GABRG3: variants seen among roughly 807,000 people sequenced by gnomAD.
The protein encoded by GABRG3 is gamma-aminobutyric acid type A receptor subunit gamma3.
GABRG3 carries 25 observed loss-of-function variants against 48.8 expected under a neutral mutation model. The observed-to-expected ratio is 0.51, with a 90% CI of 0.37 to 0.72. The LOEUF is 0.72. Ranked by LOEUF, GABRG3 falls within the 30% of genes least tolerant of loss-of-function variation. The probability of loss-of-function intolerance (pLI) is 0.00; values close to 1 mark genes in which losing one functional copy is unlikely to be tolerated. For synonymous variants in GABRG3, 227 were observed against 217.6 expected (o/e 1.04, Z -0.38); for missense variants, 394 against 577.9 (o/e 0.68, Z 3.26).
At position 27,398,659 on chromosome 15, in the gene GABRG3, A is replaced by AGC. The variant is rs200249135; in HGVS notation, c.574+69778_574+69779dup. On this transcript the variant is annotated intron_variant, in intron 5 of 9. Coordinates refer to ENST00000615808, the MANE Select transcript of GABRG3 (RefSeq NM_033223.5). ...ATATGTTTGGGTAGGGGAGATGACA[A>AGC]GCGCGCGCACACACACACACACACA... 1.3e-3 allele frequency among the ~76,000 whole-genome samples: 194 copies of AGC among 150,228 alleles called. 1 individual carries two copies. The East Asian group carries it at 0.016, about 12-fold the overall frequency.
intron 3 of GABRG3, among the ~76,000 whole-genome samples, chr15:27,164,243 T>C (rs966091763): frequency 6.6e-6 from 1 of 152,150 alleles, no homozygotes; most frequent in Non-Finnish European, 1.5e-5. Context: ...ACACAGCTTC[T>C]CTTTTGCCAA....
intron 3 of GABRG3, among the ~76,000 whole-genome samples, chr15:27,171,507 C>CATATATATATATATATATATATAT (rs57913193): frequency 1.4e-5 from 2 of 144,336 alleles, no homozygotes; most frequent in Non-Finnish European, 3.0e-5. Context: ...GCATGTCTAA[C>CATATATATATATATATATATATAT]ATATATATAT....
intron 6 of GABRG3, among the ~76,000 whole-genome samples, chr15:27,509,888 TG>T (rs1890856690): frequency 6.6e-6 from 1 of 152,252 alleles, no homozygotes; most frequent in African/African-American, 2.4e-5. Flanking sequence ...CTGCTATTTT[TG>T]GTTTTTGTAT....
At chr15:27,017,177 T>G (rs1040385133) in intron 2 of GABRG3, among the ~76,000 whole-genome samples, 49 of 152,298 alleles carry the variant, frequency 3.2e-4, no homozygotes, top group African/African-American at 1.1e-3. Flanking sequence ...CAGGAAGGAC[T>G]TTCACCAGTC....
chr15:27,393,275 T>C (rs1030826014), intron 5 of GABRG3, among the ~76,000 whole-genome samples: 26 of 143,908 alleles, frequency 1.8e-4, no homozygotes, highest in Middle Eastern at 3.7e-3. Context: ...ACCCGGGAGG[T>C]GGAGCTTGCA....
intron 3 of GABRG3, among the ~76,000 whole-genome samples, chr15:27,107,234 G>A (rs1450876051): frequency 6.6e-6 from 1 of 151,978 alleles, no homozygotes; most frequent in Admixed American, 6.6e-5. Context: ...ATGTTTCCCT[G>A]TATTTCTGGT....
intron 6 of GABRG3, among the ~76,000 whole-genome samples, chr15:27,493,570 C>T (rs1890409248): frequency 6.6e-6 from 1 of 151,858 alleles, no homozygotes; most frequent in African/African-American, 2.4e-5. Context: ...GTTTTTTAAT[C>T]AACAAATATA....
At chr15:27,083,837 A>G (rs1897031182) in intron 3 of GABRG3, among the ~76,000 whole-genome samples, 1 of 152,212 alleles carries the variant, frequency 6.6e-6, no homozygotes, top group Non-Finnish European at 1.5e-5. Flanking sequence ...CAGTGTTTAA[A>G]TAGGTAATTG....
chr15:27,313,258 G>GTATATATATA (rs1893070652), intron 3 of GABRG3, among the ~76,000 whole-genome samples: 1 of 53,050 alleles, frequency 1.9e-5, no homozygotes, highest in African/African-American at 9.1e-5. Context: ...GTGTGTGTGT[G>GTATATATATA]TGTGTATATA....
chr15:27,124,096 A>G (rs1897777438), intron 3 of GABRG3, among the ~76,000 whole-genome samples: 1 of 152,204 alleles, frequency 6.6e-6, no homozygotes. Flanking sequence ...TCAGCAGTTT[A>G]ACTCATGTTA....
At chr15:27,120,573 G>C (rs1246167213) in intron 3 of GABRG3, among the ~76,000 whole-genome samples, 1 of 149,458 alleles carries the variant, frequency 6.7e-6, no homozygotes, top group African/African-American at 2.4e-5. Context: ...TAATTATGGA[G>C]TGATAAAAAG....
intron 5 of GABRG3, among the ~76,000 whole-genome samples, chr15:27,387,493 G>T (rs1160065792): frequency 6.6e-6 from 1 of 151,944 alleles, no homozygotes; most frequent in African/African-American, 2.4e-5. Context: ...TTGTAATTAG[G>T]GGGTATTCCA....
intron 3 of GABRG3, among the ~76,000 whole-genome samples, chr15:27,064,357 T>C (rs1342284660): frequency 1.3e-5 from 2 of 152,118 alleles, no homozygotes; most frequent in Non-Finnish European, 2.9e-5. Context: ...GTAAGGCCTG[T>C]GGTTGCGCTG....
rs566248733 is a variant in GABRG3 at position 27,080,840 on chromosome 15, T to C, written c.270+54019T>C. Among the ~76,000 whole-genome samples, 29 of 152,276 alleles carry C rather than the reference T, an allele frequency of 1.9e-4. No homozygotes were observed. The South Asian group carries it at 5.8e-3, about 30-fold the overall frequency. On this transcript the variant is annotated intron_variant, in intron 3 of 9. Transcript: ENST00000615808. ...TTCCAACAAGAGGAGCTGGTGCTAG[T>C]TAGCCCTCACCAAGCCTGGGAGGCA...
At chr15:27,030,039 A>G (rs1158311879) in intron 3 of GABRG3, among the ~76,000 whole-genome samples, 3 of 152,200 alleles carry the variant, frequency 2.0e-5, no homozygotes, top group Non-Finnish European at 4.4e-5. Context: ...TTTAAAGTAG[A>G]GAACTGACGG....
At chr15:27,238,373 G>A (rs1173244497) in intron 3 of GABRG3, among the ~76,000 whole-genome samples, 1 of 152,240 alleles carries the variant, frequency 6.6e-6, no homozygotes, top group Non-Finnish European at 1.5e-5. Flanking sequence ...CAGCATCCAC[G>A]GCTGCCTTAG....
chr15:27,334,436 T>C (rs1893897938), intron 5 of GABRG3, among the ~76,000 whole-genome samples: 1 of 152,190 alleles, frequency 6.6e-6, no homozygotes, highest in African/African-American at 2.4e-5. Flanking sequence ...GTTTAAATTA[T>C]GTACTAGATT....
rs545434747 is a variant in GABRG3 at position 27,304,990 on chromosome 15, G to A, written c.271-21819G>A. On this transcript the variant is annotated intron_variant, in intron 3 of 9. Transcript: ENST00000615808. ...TGATACACCAAAAGTTAGAATTTTCGTAAAGCCTAATTTATCTATTTCTTC... is the reference window on the plus strand; with the variant it reads ...TGATACACCAAAAGTTAGAATTTTCATAAAGCCTAATTTATCTATTTCTTC... Among the ~76,000 whole-genome samples, 78 of 151,864 alleles carry A rather than the reference G, an allele frequency of 5.1e-4. 2 individuals are homozygous for A. Among genetic ancestry groups the A allele is most frequent in the African/African-American group, 1.5e-3 (64 of 41,506 alleles).
At chr15:27,001,510 T>C (rs1335995916) in intron 2 of GABRG3, among the ~76,000 whole-genome samples, 1 of 152,220 alleles carries the variant, frequency 6.6e-6, no homozygotes, top group Admixed American at 6.5e-5. Context: ...TTAGCATTTG[T>C]GGATGTTGAA....
Sources: allele counts gnomAD v4.1 joint callset (sites outside exome capture counted in the v4.1 genomes callset), GRCh38; gene constraint gnomAD v4.1.1; transcripts MANE v1.5; gene names NCBI Gene and HGNC (gene_info 2026-07-23, HGNC 2026-07-21).